AKR1C8: variants seen among roughly 807,000 people sequenced by gnomAD.
AKR1C8 encodes aldo-keto reductase family 1 member C-like protein 1.
chr10:5,129,658 T>G, the AKR1C8 span, among the ~76,000 whole-genome samples: 1 of 151,984 alleles, frequency 6.6e-6, no homozygotes, highest in Non-Finnish European at 1.5e-5. Context: ...GTGCACAAAC[T>G]GTAAAATCTA....
chr10:5,162,713 A>C, the AKR1C8 span: 182,510 of 356,634 alleles, frequency 0.51, 49,934 homozygotes, highest in Non-Finnish European at 0.59. Context: ...TCAGAGTAAG[A>C]AAGTCTTTTC....
chr10:5,118,049 A>T, the AKR1C8 span, among the ~76,000 whole-genome samples: 34 of 152,290 alleles, frequency 2.2e-4, no homozygotes, highest in Non-Finnish European at 4.3e-4. Flanking sequence ...AGTTCCCAAA[A>T]GTTGTGACTT....
At chr10:5,175,213 A>G in the AKR1C8 span, among the ~76,000 whole-genome samples, 1 of 145,972 alleles carries the variant, frequency 6.9e-6, no homozygotes, top group African/African-American at 2.5e-5. Flanking sequence ...CCTATGACTG[A>G]GAATGTGCGA....
At chr10:5,156,584 C>T in the AKR1C8 span, among the ~76,000 whole-genome samples, 2 of 128,636 alleles carry the variant, frequency 1.6e-5, no homozygotes, top group Non-Finnish European at 3.6e-5. Context: ...TATATGTATC[C>T]GTCCATCTTC....
the AKR1C8 span, among the ~76,000 whole-genome samples, chr10:5,153,289 G>C: frequency 1.2e-3 from 179 of 152,202 alleles, 1 homozygote; most frequent in African/African-American, 4.1e-3. Flanking sequence ...GCCGAAATGT[G>C]GGTAGATGAT....
the AKR1C8 span, among the ~76,000 whole-genome samples, chr10:5,164,515 G>C: frequency 1.3e-5 from 2 of 151,982 alleles, no homozygotes; most frequent in Non-Finnish European, 2.9e-5. Context: ...TTTATGGGAA[G>C]GGTTAGCAGG....
At chr10:5,117,687 A>C in the AKR1C8 span, among the ~76,000 whole-genome samples, 110 of 152,244 alleles carry the variant, frequency 7.2e-4, no homozygotes, top group African/African-American at 2.5e-3. Context: ...GCCTTTGGTG[A>C]GGTCTTCAGG....
the AKR1C8 span, among the ~76,000 whole-genome samples, chr10:5,180,623 G>C: frequency 6.6e-6 from 1 of 152,230 alleles, no homozygotes; most frequent in East Asian, 1.9e-4. Context: ...GCTGTGGTGG[G>C]CTCCACACCT....
At chr10:5,167,309 A>T in the AKR1C8 span, among the ~76,000 whole-genome samples, 9 of 152,240 alleles carry the variant, frequency 5.9e-5, no homozygotes, top group South Asian at 1.9e-3. Flanking sequence ...ATTATAAATC[A>T]TGCTGCTATA....
At chr10:5,145,351 C>T in the AKR1C8 span, among the ~76,000 whole-genome samples, 1 of 152,126 alleles carries the variant, frequency 6.6e-6, no homozygotes, top group Non-Finnish European at 1.5e-5. Flanking sequence ...CAAATGGGAT[C>T]TAATTCAACT....
the AKR1C8 span, among the ~76,000 whole-genome samples, chr10:5,175,678 T>G: frequency 6.6e-6 from 1 of 152,232 alleles, no homozygotes; most frequent in Non-Finnish European, 1.5e-5. Flanking sequence ...CTAACTGGTG[T>G]GAGATGGTAT....
the AKR1C8 span, among the ~76,000 whole-genome samples, chr10:5,133,586 C>A: frequency 1.3e-5 from 2 of 152,142 alleles, no homozygotes; most frequent in South Asian, 2.1e-4. Context: ...TTGGACACTT[C>A]ATTCCCAAGA....
At chr10:5,138,618 T>A in the AKR1C8 span, among the ~76,000 whole-genome samples, 1 of 152,022 alleles carries the variant, frequency 6.6e-6, no homozygotes, top group African/African-American at 2.4e-5. Flanking sequence ...GATTAAGAGA[T>A]TAAAGTAAAG....
At chr10:5,128,847 A>G in the AKR1C8 span, among the ~76,000 whole-genome samples, 1 of 152,256 alleles carries the variant, frequency 6.6e-6, no homozygotes, top group South Asian at 2.1e-4. Flanking sequence ...GAGGGACTCA[A>G]TACTCCACTG....
the AKR1C8 span, among the ~76,000 whole-genome samples, chr10:5,138,572 G>C: frequency 1.3e-5 from 2 of 152,142 alleles, no homozygotes; most frequent in Non-Finnish European, 2.9e-5. Flanking sequence ...CAGTGGTCTT[G>C]AGGCGATGTA....
At chr10:5,148,949 T>A in the AKR1C8 span, among the ~76,000 whole-genome samples, 1 of 151,212 alleles carries the variant, frequency 6.6e-6, no homozygotes, top group Non-Finnish European at 1.5e-5. Flanking sequence ...AAAGAAAAAA[T>A]AGAAAAAAAG....
the AKR1C8 span, among the ~76,000 whole-genome samples, chr10:5,117,999 T>C: frequency 2.0e-4 from 31 of 152,248 alleles, no homozygotes; most frequent in African/African-American, 7.2e-4. Flanking sequence ...CATAACCTCA[T>C]GTTCTTCTTA....
At chr10:5,157,911 C>A in the AKR1C8 span, 1 of 353,616 alleles carries the variant, frequency 2.8e-6, no homozygotes, top group African/African-American at 2.1e-5. Flanking sequence ...GGGCACAATA[C>A]AATTTGATTT....
At chr10:5,161,987 A>G in the AKR1C8 span, 1 of 528,266 alleles carries the variant, frequency 1.9e-6, no homozygotes, top group South Asian at 1.4e-5. Context: ...AGTGACCAAA[A>G]GAAACAAAAA....
Sources: gnomAD v4.1 joint callset for allele counts (sites outside exome capture counted in the v4.1 genomes callset) on GRCh38, gnomAD v4.1.1 for gene constraint, MANE v1.5 for transcripts, NCBI Gene and HGNC (gene_info 2026-07-23, HGNC 2026-07-21) for gene names.